NAV3: variants seen among roughly 807,000 people sequenced by gnomAD.
NAV3 encodes neuron navigator 3.
Under a neutral mutation model 244.7 loss-of-function variants are expected in NAV3, and 87 were observed. The ratio of observed to expected loss-of-function variants is 0.36; its 90% CI spans 0.30 to 0.42. The LOEUF (loss-of-function observed/expected upper bound fraction) is 0.42, where lower values mean the gene tolerates loss of function less well. NAV3 is among the 20% of genes least tolerant of loss of function. The probability of loss-of-function intolerance (pLI) is 1.00; values close to 1 mark genes in which losing one functional copy is unlikely to be tolerated. For synonymous variants in NAV3, 1,126 were observed against 1,042.2 expected, an observed-to-expected ratio of 1.08 and a Z score of -1.55; for missense variants, 2,663 against 2,893.3, an observed-to-expected ratio of 0.92 and a Z score of 1.83.
At chr12:77,687,684 A>G (rs1874818989) in intron 2 of NAV3, among the ~76,000 whole-genome samples, 1 of 152,144 alleles carries the variant, frequency 6.6e-6, no homozygotes, top group African/African-American at 2.4e-5. Flanking sequence ...ACTCATGAGA[A>G]AAAACTGGAC....
At chr12:77,736,044 T>G (rs1424882699) in intron 2 of NAV3, among the ~76,000 whole-genome samples, 3 of 152,246 alleles carry the variant, frequency 2.0e-5, no homozygotes, top group Non-Finnish European at 4.4e-5. Context: ...AGTGTATCTT[T>G]ACTACACTTT....
chr12:77,816,974 A>G (rs555016685), intron 2 of NAV3, among the ~76,000 whole-genome samples: 2 of 152,124 alleles, frequency 1.3e-5, no homozygotes, highest in Non-Finnish European at 2.9e-5. Flanking sequence ...TGACAAATTG[A>G]ATTGGGCAAA....
At position 77,641,972 on chromosome 12, in the gene NAV3, C is replaced by A. The variant is rs1371544594; in HGVS notation, c.72+69706C>A. Among the ~76,000 whole-genome samples, 3 of 152,066 alleles carry A rather than the reference C, an allele frequency of 2.0e-5. 1 individual carries two copies. Among genetic ancestry groups the A allele is most frequent in the South Asian group, 4.1e-4 (2 of 4,824 alleles). On this transcript the variant is annotated intron_variant, in intron 2 of 8. Transcript: ENST00000550042. Reference sequence around the variant, plus strand: ...CGGGCAGGCAGATACTTAGCAGGTTCCCCCAAATAGAATCTCAGTCTTAAA... The same window carrying A: ...CGGGCAGGCAGATACTTAGCAGGTTACCCCAAATAGAATCTCAGTCTTAAA...
At chr12:77,593,340 A>G (rs995891692) in intron 2 of NAV3, among the ~76,000 whole-genome samples, 1 of 151,472 alleles carries the variant, frequency 6.6e-6, no homozygotes, top group Non-Finnish European at 1.5e-5. Flanking sequence ...GCTGATTACA[A>G]CTTATTTTTA....
chr12:77,723,430 A>G (rs1333375487), intron 2 of NAV3, among the ~76,000 whole-genome samples: 4 of 152,044 alleles, frequency 2.6e-5, no homozygotes, highest in African/African-American at 9.7e-5. Flanking sequence ...CATGCTGCTT[A>G]GACTACATGG....
Position 77,995,616 on chromosome 12 carries a change from T to C in NAV3, c.740+745T>C, listed in dbSNP as rs111769423. Among the ~76,000 whole-genome samples the C allele has an allele frequency of 2.3e-3, 351 of 152,302 alleles. 1 individual carries two copies. The highest frequency in any genetic ancestry group is 3.7e-3 in the Admixed American group (57 of 15,296). ...CAGTGGTTTATTCATTACTGTTCCA[T>C]TGATGAATCATATTATGCAGTGTTT... On this transcript the variant is annotated intron_variant, in intron 6 of 39. Transcript: ENST00000397909.
At chr12:77,841,206 A>T (rs1769314443) in intron 1 of NAV3, among the ~76,000 whole-genome samples, 1 of 152,222 alleles carries the variant, frequency 6.6e-6, no homozygotes, top group Admixed American at 6.5e-5. Context: ...TCACTAGATG[A>T]AAGAGTCATG....
intron 2 of NAV3, among the ~76,000 whole-genome samples, chr12:77,771,679 T>A (rs958165032): frequency 6.6e-6 from 1 of 151,686 alleles, no homozygotes; most frequent in South Asian, 2.1e-4. Flanking sequence ...AACCAAACAC[T>A]GCATGTTCTC....
chr12:77,692,566 T>C (rs1258372297), intron 2 of NAV3, among the ~76,000 whole-genome samples: 2 of 152,100 alleles, frequency 1.3e-5, no homozygotes, highest in Non-Finnish European at 2.9e-5. Context: ...ATGATGAATA[T>C]AAAATCTCCT....
At chr12:78,166,879 G>A (rs1381642765) in intron 23 of NAV3, among the ~76,000 whole-genome samples, 1 of 151,578 alleles carries the variant, frequency 6.6e-6, no homozygotes, top group Non-Finnish European at 1.5e-5. Flanking sequence ...TAAAGCCACA[G>A]GCAAATGTTT....
intron 8 of NAV3, among the ~76,000 whole-genome samples, chr12:78,013,784 T>C (rs889087999): frequency 6.6e-6 from 1 of 152,084 alleles, no homozygotes; most frequent in African/African-American, 2.4e-5. Flanking sequence ...GAAGGAGCAA[T>C]TTACTGAATT....
intron 22 of NAV3, among the ~76,000 whole-genome samples, chr12:78,158,327 A>G (rs1397770910): frequency 1.3e-5 from 2 of 152,130 alleles, no homozygotes; most frequent in Non-Finnish European, 2.9e-5. Flanking sequence ...TTGCAGTTCT[A>G]CCTCAGGCCG....
chr12:77,660,660 G>C (rs1023742539), intron 2 of NAV3, among the ~76,000 whole-genome samples: 1 of 151,988 alleles, frequency 6.6e-6, no homozygotes, highest in Admixed American at 6.6e-5. Flanking sequence ...GACATGTTTA[G>C]GTATAAGTAT....
chr12:78,034,756 T>C (rs1055165640), intron 9 of NAV3, among the ~76,000 whole-genome samples: 1 of 152,196 alleles, frequency 6.6e-6, no homozygotes, highest in African/African-American at 2.4e-5. Context: ...TGTGTCACAA[T>C]AACTCAAAAT....
intron 8 of NAV3, among the ~76,000 whole-genome samples, chr12:78,012,411 C>G (rs182804300): frequency 6.6e-6 from 1 of 152,066 alleles, no homozygotes; most frequent in East Asian, 1.9e-4. Context: ...ATTAATGAAG[C>G]CATCTATTAG....
At chr12:78,086,054 T>G (rs1376411767) in intron 12 of NAV3, among the ~76,000 whole-genome samples, 1 of 152,050 alleles carries the variant, frequency 6.6e-6, no homozygotes, top group Non-Finnish European at 1.5e-5. Context: ...ATTGGGTAAG[T>G]TACTTCACTT....
At chr12:77,741,148 C>CAAAAAAAAAAAAAAAA in intron 2 of NAV3, among the ~76,000 whole-genome samples, 351 of 68,564 alleles carry the variant, frequency 5.1e-3, no homozygotes, top group Middle Eastern at 0.029. Context: ...AAAAAAAAGA[C>CAAAAAAAAAAAAAAAA]AAAAAAAAAA....
chr12:77,890,785 A>C (rs938075152), intron 1 of NAV3, among the ~76,000 whole-genome samples: 3 of 152,224 alleles, frequency 2.0e-5, no homozygotes, highest in African/African-American at 7.2e-5. Flanking sequence ...TATTCATTGA[A>C]TATGTGTAAA....
intron 11 of NAV3, chr12:78,056,352 TA>T (rs1566071427): frequency 6.6e-6 from 1 of 152,160 alleles, no homozygotes; most frequent in Non-Finnish European, 1.5e-5. Flanking sequence ...AGCCTAGAAT[TA>T]AAACGTGAGA....
Sources: allele counts gnomAD v4.1 joint callset (sites outside exome capture counted in the v4.1 genomes callset), GRCh38; gene constraint gnomAD v4.1.1; transcripts MANE v1.5; gene names NCBI Gene and HGNC (gene_info 2026-07-23, HGNC 2026-07-21).